The following TASP1 variants were observed in gnomAD, a reference collection of about 807,000 sequenced individuals.
The protein encoded by TASP1 is threonine aspartase 1.
Under a neutral mutation model 56.6 loss-of-function variants are expected in TASP1, and 16 were observed. That is an observed-to-expected ratio of 0.28 (90% confidence interval 0.19 to 0.43). The LOEUF (loss-of-function observed/expected upper bound fraction) is 0.43. Ranked by LOEUF, TASP1 falls within the 20% of genes least tolerant of loss-of-function variation. The pLI is 1.00. For synonymous variants in TASP1, 179 were observed against 184.2 expected (o/e 0.97, Z 0.23); for missense variants, 393 against 511.6 (o/e 0.77, Z 2.24).
intron 6 of TASP1, among the ~76,000 whole-genome samples, chr20:13,576,349 GA>G (rs2046917139): frequency 6.4e-5 from 6 of 94,060 alleles, no homozygotes; most frequent in African/African-American, 2.3e-4. Context: ...AAGGAAGAAA[GA>G]AAGAAAGAAA....
At chr20:13,488,661 T>A (rs1050024836) in intron 10 of TASP1, among the ~76,000 whole-genome samples, 2 of 152,128 alleles carry the variant, frequency 1.3e-5, no homozygotes, top group African/African-American at 2.4e-5. Flanking sequence ...TATTCTGATA[T>A]CCTCTCCTCC....
chr20:13,461,639 G>A (rs2044056083), intron 11 of TASP1, among the ~76,000 whole-genome samples: 1 of 152,108 alleles, frequency 6.6e-6, no homozygotes, highest in Non-Finnish European at 1.5e-5. Context: ...AAGCAGTTAT[G>A]GACTGTATGT....
intron 11 of TASP1, among the ~76,000 whole-genome samples, chr20:13,463,274 T>A (rs1264359109): frequency 6.6e-6 from 1 of 152,170 alleles, no homozygotes; most frequent in Non-Finnish European, 1.5e-5. Flanking sequence ...GAAAGGATAG[T>A]CTTTTTCGAT....
chr20:13,292,287 C>A, the TASP1 span: 46 of 800,240 alleles, frequency 5.7e-5, no homozygotes, highest in South Asian at 7.0e-4. Context: ...AGGCTTTGTT[C>A]AGGTGTATTT....
At chr20:13,473,948 C>T (rs1191049121) in intron 11 of TASP1, among the ~76,000 whole-genome samples, 1 of 152,132 alleles carries the variant, frequency 6.6e-6, no homozygotes, top group Admixed American at 6.5e-5. Flanking sequence ...GTGGTAAGTG[C>T]CTGTAATCCT....
chr20:13,129,528 C>G, the TASP1 span, among the ~76,000 whole-genome samples: 1 of 152,186 alleles, frequency 6.6e-6, no homozygotes. Flanking sequence ...TAGAATTATT[C>G]TTTGGTCTTG....
At chr20:13,529,248 G>A (rs1464351457) in intron 9 of TASP1, among the ~76,000 whole-genome samples, 1 of 152,106 alleles carries the variant, frequency 6.6e-6, no homozygotes, top group Non-Finnish European at 1.5e-5. Context: ...AGCTACTATG[G>A]TTTTATAACA....
chr20:13,417,351 A>C (rs917980833), intron 13 of TASP1, 97 bp downstream of exon 13: 4 of 1,345,940 alleles, frequency 3.0e-6, no homozygotes, highest in African/African-American at 2.9e-5. Flanking sequence ...TACTGCCCAA[A>C]AAAAGCTGAA....
chr20:13,605,170 G>T (rs958952023), intron 4 of TASP1, among the ~76,000 whole-genome samples: 2 of 151,892 alleles, frequency 1.3e-5, no homozygotes, highest in Non-Finnish European at 2.9e-5. Context: ...TGGTTGCCAG[G>T]GGCCACTGAG....
the TASP1 span, among the ~76,000 whole-genome samples, chr20:13,280,546 C>T: frequency 6.6e-6 from 1 of 152,160 alleles, no homozygotes; most frequent in African/African-American, 2.4e-5. Flanking sequence ...AACTCAGCTC[C>T]ACTCAGTCAT....
chr20:13,630,285 T>C (rs1173872645), intron 1 of TASP1, 133 bp from the exon 2 acceptor site: 7 of 499,288 alleles, frequency 1.4e-5, no homozygotes, highest in Non-Finnish European at 2.0e-5. Context: ...AAAAAAGGTA[T>C]CAAAGCTATT....
chr20:13,173,776 A>G, the TASP1 span, among the ~76,000 whole-genome samples: 12 of 152,188 alleles, frequency 7.9e-5, no homozygotes, highest in Non-Finnish European at 1.8e-4. Context: ...CCAACTGGGG[A>G]TTGGTGTAGG....
At chr20:13,462,227 A>T (rs112015216) in intron 11 of TASP1, among the ~76,000 whole-genome samples, 8,933 of 152,264 alleles carry the variant, frequency 0.059, 374 homozygotes, top group African/African-American at 0.12. Flanking sequence ...ATCACTCAAG[A>T]TTTTAAAAGC....
chr20:13,512,355 A>G (rs1267343434), intron 10 of TASP1, among the ~76,000 whole-genome samples: 4 of 152,110 alleles, frequency 2.6e-5, no homozygotes, highest in African/African-American at 9.7e-5. Context: ...TCTGATAAGC[A>G]GTGATGATGA....
At chr20:13,390,505 CCA>C (rs759615165) in intron 13 of TASP1, 53 bp from the exon 14 acceptor site, 8 of 1,530,926 alleles carry the variant, frequency 5.2e-6, no homozygotes, top group Admixed American at 3.4e-5. Context: ...GTGTCCCTTG[CCA>C]CACCCCTACC....
At chr20:13,425,757 T>C (rs1205882757) in intron 12 of TASP1, among the ~76,000 whole-genome samples, 1 of 152,170 alleles carries the variant, frequency 6.6e-6, no homozygotes. Context: ...CCTCCTCTTA[T>C]CACTGTAGAT....
the TASP1 span, among the ~76,000 whole-genome samples, chr20:13,225,182 T>G: frequency 2.0e-5 from 3 of 151,904 alleles, no homozygotes; most frequent in Non-Finnish European, 2.9e-5. Flanking sequence ...CTCACAAAAA[T>G]CCCGGGAATT....
rs148169811 is a variant in TASP1, at chr20:13,545,869, C to T, written c.676-11728G>A. On this transcript the variant is annotated intron_variant, in intron 8 of 13. Coordinates refer to ENST00000337743, the MANE Select transcript of TASP1 (RefSeq NM_017714.3). Reference sequence around the variant, plus strand: ...CAGGACTTTTATCTTTCTTTCTACCCAGACATATAAGTCTGACCCTTTATC... The same window carrying T: ...CAGGACTTTTATCTTTCTTTCTACCTAGACATATAAGTCTGACCCTTTATC... Among the ~76,000 whole-genome samples, 32 of 152,258 alleles carry T rather than the reference C, an allele frequency of 2.1e-4. 1 individual carries two copies. In the East Asian group the frequency reaches 5.6e-3, roughly 27 times the overall value.
chr20:13,561,934 A>T (rs2147087775), intron 7 of TASP1, among the ~76,000 whole-genome samples: 1 of 152,290 alleles, frequency 6.6e-6, no homozygotes, highest in Middle Eastern at 3.4e-3. Context: ...AACACAATAA[A>T]CCAAGTAGAT....
Sources: allele counts gnomAD v4.1 joint callset (sites outside exome capture counted in the v4.1 genomes callset), GRCh38; gene constraint gnomAD v4.1.1; transcripts MANE v1.5; gene names NCBI Gene and HGNC (gene_info 2026-07-23, HGNC 2026-07-21).